CTSH: variants seen among roughly 807,000 people sequenced by gnomAD.
The protein encoded by CTSH is pro-cathepsin H.
A neutral mutation model predicts 56.3 loss-of-function variants in CTSH; 52 were observed. The observed-to-expected ratio is 0.92, with a 90% CI of 0.74 to 1.16. CTSH has a LOEUF of 1.16. CTSH is among the 50% of genes most tolerant of loss of function. The pLI, the probability that CTSH is intolerant of heterozygous loss-of-function variation, is 0.00. For missense variants in CTSH, 406 were observed against 424.5 expected (o/e 0.96, Z 0.38); for synonymous variants, 174 against 155.7 (o/e 1.12, Z -0.88).
At chr15:78,929,357 G>T in intron 8 of CTSH, 55 bp downstream of exon 8, 1 of 1,362,338 alleles carries the variant, frequency 7.3e-7, no homozygotes, top group Non-Finnish European at 1.0e-6. Flanking sequence ...TGGGGAGGGA[G>T]TGAAGCTAGG....
chr15:78,922,110 T>C lies in CTSH; in HGVS notation c.*20A>G, dbSNP rs376276933. On this transcript the variant is annotated 3_prime_UTR_variant, in exon 12 of 12. Coordinates refer to ENST00000220166, the MANE Select transcript of CTSH (RefSeq NM_004390.5). ...CCGTTCCTCTCCTTCTCCGCCAGTC[T>C]GCGCTGCGGCTGCCACGGCTCACAC... 33 of 1,552,998 alleles carry C rather than the reference T, an allele frequency of 2.1e-5. No individual in the cohort carries two copies. The African/African-American group carries it at 4.0e-4, about 19-fold the overall frequency.
intron 10 of CTSH, among the ~76,000 whole-genome samples, chr15:78,924,618 C>T (rs1031663956): frequency 1.3e-5 from 2 of 152,030 alleles, no homozygotes; most frequent in Non-Finnish European, 2.9e-5. Flanking sequence ...GTGACTCCTC[C>T]AGCACAGGAT....
chr15:78,927,066 G>T (rs1036834986), intron 9 of CTSH: 6 of 152,614 alleles, frequency 3.9e-5, no homozygotes, highest in African/African-American at 1.2e-4. Flanking sequence ...CTGCAGTCAC[G>T]AAGGCGTTCA....
chr15:78,939,272 G>A, intron 1 of CTSH, 101 bp from the exon 2 acceptor site: 1 of 929,490 alleles, frequency 1.1e-6, no homozygotes, highest in Non-Finnish European at 1.6e-6. Context: ...TTCGAAAACT[G>A]GACTAAATTT....
chr15:78,935,127 A>G (rs1333619495), intron 4 of CTSH, 45 bp from the exon 5 acceptor site: 2 of 1,312,112 alleles, frequency 1.5e-6, no homozygotes. Context: ...AAACAAAACC[A>G]AAAACCTTTC....
At chr15:78,937,177 A>G in intron 3 of CTSH, 141 bp downstream of exon 3, 1 of 661,692 alleles carries the variant, frequency 1.5e-6, no homozygotes. Context: ...GTAACAGCGG[A>G]GCCACAATCT....
intron 11 of CTSH, 90 bp downstream of exon 11, chr15:78,922,903 G>C: frequency 6.8e-7 from 1 of 1,473,130 alleles, no homozygotes. Context: ...GTCTGTGGAA[G>C]CCGTAACTCT....
intron 9 of CTSH, chr15:78,927,332 A>G (rs936263627): frequency 3.7e-6 from 1 of 268,434 alleles, no homozygotes; most frequent in African/African-American, 2.2e-5. Flanking sequence ...TGTTATTGCA[A>G]CAGAACCTGG....
rs369468030 is a variant in CTSH, at chr15:78,939,777, C to T, written c.92-606G>A. Among the ~76,000 whole-genome samples the T allele has an allele frequency of 1.9e-4, 29 of 152,324 alleles. No homozygotes were observed. The East Asian group carries it at 4.6e-3, about 24-fold the overall frequency. On this transcript the variant is annotated intron_variant, in intron 1 of 11. Coordinates refer to ENST00000220166, the MANE Select transcript of CTSH (RefSeq NM_004390.5). ...TGGTGTGTGCCTGTAATCCCAGCTA[C>T]TCGGGAGGCTGAGGAGAATCGCTTG...
At position 78,940,652 on chromosome 15, in the gene CTSH, C is replaced by T. The variant is rs1352030564; in HGVS notation, c.92-1481G>A. On this transcript the variant is annotated intron_variant, in intron 1 of 11. Coordinates refer to ENST00000220166, the MANE Select transcript of CTSH (RefSeq NM_004390.5). ...ATCCACCATCAGTAACATGAACAAACTTTTCTATAAGAGTCAGGTATTTAG... is the reference window on the plus strand; with the variant it reads ...ATCCACCATCAGTAACATGAACAAATTTTTCTATAAGAGTCAGGTATTTAG... Among the ~76,000 whole-genome samples, 4 of 152,228 alleles carry T rather than the reference C, an allele frequency of 2.6e-5. No homozygotes were observed. In the South Asian group the frequency reaches 6.2e-4, roughly 24 times the overall value.
At chr15:78,924,667 C>T (rs1254226560) in intron 10 of CTSH, among the ~76,000 whole-genome samples, 11 of 150,700 alleles carry the variant, frequency 7.3e-5, no homozygotes, top group Admixed American at 6.6e-4. Context: ...CCCTATTTTA[C>T]GTCTTCAAAT....
chr15:78,929,335 G>T, intron 8 of CTSH, 77 bp downstream of exon 8: 1 of 1,115,384 alleles, frequency 9.0e-7, no homozygotes, highest in Non-Finnish European at 1.3e-6. Context: ...GAGAAGGGAT[G>T]TCTTCCAAGG....
chr15:78,931,004 C>T (rs1567360642), intron 7 of CTSH, among the ~76,000 whole-genome samples: 1 of 152,212 alleles, frequency 6.6e-6, no homozygotes, highest in Non-Finnish European at 1.5e-5. Flanking sequence ...CAAGGTACAG[C>T]CCTTACACAC....
intron 7 of CTSH, among the ~76,000 whole-genome samples, chr15:78,931,081 G>T (rs1487713918): frequency 6.6e-6 from 1 of 152,156 alleles, no homozygotes; most frequent in African/African-American, 2.4e-5. Context: ...TCATCTAAAG[G>T]CCAACCCTGT....
rs1400884265 is a variant in CTSH at position 78,944,924 on chromosome 15, A to G, written c.58T>C (p.Cys20Arg). 1.9e-6 allele frequency: 3 copies of G among 1,548,734 alleles called. No homozygotes were observed. Among genetic ancestry groups the G allele is most frequent in the Non-Finnish European group, 2.6e-6 (3 of 1,146,156 alleles). Reference protein sequence around the residue: ...AGAWLLGVPVCGAAELCVNSL... With the variant: ...AGAWLLGVPVRGAAELCVNSL... ...TTCACGCACAGTTCGGCGGCACCGC[A>G]GACGGGGACTCCCAGGAGCCAGGCC... The change falls in exon 1 of 12, where the codon TGC (cysteine) becomes CGC (arginine). Residue 20 changes from cysteine to arginine, a missense_variant. Coordinates refer to ENST00000220166, the MANE Select transcript of CTSH (RefSeq NM_004390.5).
In CTSH at chr15:78,944,944, C is replaced by A. The variant is rs1395769309; in HGVS notation, c.38G>T (p.Trp13Leu). Residue 13 changes from tryptophan (W) to leucine (L), a missense_variant, in exon 1 of 12, where the codon TGG becomes TTG. By Grantham distance (61) the Trp-to-Leu change is moderately conservative. Transcript: ENST00000220166. ...ATLPLLCAGA[W>L]LLGVPVCGAA... ...ACCGCAGACGGGGACTCCCAGGAGC[C>A]AGGCCCCGGCGCAGAGCAGCGGCAG... 2 of 1,548,088 alleles carry A rather than the reference C, an allele frequency of 1.3e-6. No individual in the cohort carries two copies. Among genetic ancestry groups the A allele is most frequent in the Admixed American group, 3.9e-5 (2 of 50,860 alleles).
In CTSH at chr15:78,923,018, A is replaced by G. The variant is rs749018800; in HGVS notation, c.907T>C (p.Trp303Arg). The G allele has an allele frequency of 2.5e-6, 4 of 1,612,502 alleles. No homozygotes were observed. In the African/African-American group the frequency reaches 5.3e-5, roughly 22 times the overall value. Residue 303 changes from tryptophan (W) to arginine (R), a missense_variant, in exon 11 of 12, where the codon TGG (tryptophan) becomes CGG (arginine). Physicochemically the swap from Trp to Arg is moderately radical, Grantham distance 101. Transcript: ENST00000220166. Reference sequence around the variant, plus strand: ...CCGTTCATTCCCCACTGGGGACCCCAAGAGTTTTTCACGATCCAGTAAGGG... The same window carrying G: ...CCGTTCATTCCCCACTGGGGACCCCGAGAGTTTTTCACGATCCAGTAAGGG... ...GIPYWIVKNS[W>R]GPQWGMNGYF...
rs1470977715 is a variant in CTSH, at chr15:78,921,835, A to G, written c.*295T>C. The G allele has an allele frequency of 2.4e-6, 1 of 417,200 alleles. No homozygotes were observed. Among genetic ancestry groups the G allele is most frequent in the African/African-American group, 2.0e-5 (1 of 49,552 alleles). 25.8% of individuals were successfully genotyped at this position (417,200 alleles called of 1,614,324 possible). A position where few individuals can be genotyped will look rare whatever the true frequency, so the allele number is the denominator to read the frequency against. ...CAGAAAAGACAGTCCCTGGAGCTCT[A>G]TATGTGGAAAGTAGCCCTTCTGGAC... On this transcript the variant is annotated 3_prime_UTR_variant, in exon 12 of 12. Coordinates refer to ENST00000220166, the MANE Select transcript of CTSH (RefSeq NM_004390.5).
Position 78,935,097 on chromosome 15 carries a change from C to T in CTSH, c.301-15G>A. The T allele has an allele frequency of 6.4e-7, 1 of 1,562,326 alleles. No individual in the cohort carries two copies. Among genetic ancestry groups the T allele is most frequent in the Non-Finnish European group, 8.8e-7 (1 of 1,133,914 alleles). On this transcript the variant is annotated splice_polypyrimidine_tract_variant and intron_variant, in intron 4 of 11. Coordinates refer to ENST00000220166, the MANE Select transcript of CTSH (RefSeq NM_004390.5). ...GCTGAGCAATTCTGGAACAACCAAA[C>T]ACATTATTTTCAGGAAAATAAACAA... is the stretch of plus-strand genomic sequence containing the variant.
Sources: gnomAD v4.1 joint callset for allele counts (sites outside exome capture counted in the v4.1 genomes callset) on GRCh38, gnomAD v4.1.1 for gene constraint, MANE v1.5 for transcripts, NCBI Gene and HGNC (gene_info 2026-07-23, HGNC 2026-07-21) for gene names.